NRG1: variants seen among roughly 807,000 people sequenced by gnomAD.
NRG1 encodes pro-neuregulin-1, membrane-bound isoform.
A neutral mutation model predicts 63.8 loss-of-function variants in NRG1; 18 were observed. The observed-to-expected ratio is 0.28, with a 90% confidence interval of 0.19 to 0.42. The LOEUF is 0.42. Ranked by LOEUF, NRG1 falls within the 10% of genes least tolerant of loss-of-function variation. The pLI, the probability that NRG1 is intolerant of heterozygous loss-of-function variation, is 1.00. For missense variants in NRG1, 762 were observed against 814.7 expected, an observed-to-expected ratio of 0.94 and a Z score of 0.79; for synonymous variants, 302 against 301.3, an observed-to-expected ratio of 1.00 and a Z score of -0.02.
chr8:31,663,889 A>G (rs570228332), intron 1 of NRG1, among the ~76,000 whole-genome samples: 4 of 152,186 alleles, frequency 2.6e-5, no homozygotes, highest in African/African-American at 9.6e-5. Context: ...AATGAGAGAG[A>G]AAGCAAAGAG....
At chr8:32,011,581 T>C (rs910226983) in intron 1 of NRG1, among the ~76,000 whole-genome samples, 3 of 152,110 alleles carry the variant, frequency 2.0e-5, no homozygotes, top group African/African-American at 7.2e-5. Flanking sequence ...GTCAAAAAAT[T>C]GTACCTTGCA....
intron 1 of NRG1, among the ~76,000 whole-genome samples, chr8:31,780,753 C>T (rs1467271522): frequency 6.6e-6 from 1 of 152,160 alleles, no homozygotes; most frequent in Non-Finnish European, 1.5e-5. Context: ...TGTACAGTCA[C>T]CCTATAGATA....
intron 5 of NRG1, chr8:32,647,028 G>A (rs1194514887): frequency 4.1e-6 from 4 of 984,804 alleles, no homozygotes; most frequent in Non-Finnish European, 3.6e-6. Context: ...GGACAAAGAG[G>A]AGTAGTCGGG....
chr8:32,351,901 G>A (rs1334340382), intron 1 of NRG1, among the ~76,000 whole-genome samples: 2 of 151,718 alleles, frequency 1.3e-5, no homozygotes, highest in Non-Finnish European at 2.9e-5. Flanking sequence ...GCAATACATT[G>A]ATGAAATAGA....
intron 1 of NRG1, among the ~76,000 whole-genome samples, chr8:32,324,262 A>C (rs533542954): frequency 5.3e-5 from 8 of 152,276 alleles, no homozygotes; most frequent in African/African-American, 1.7e-4. Flanking sequence ...GATGGTCCTT[A>C]TTGCAGAAAG....
intron 1 of NRG1, among the ~76,000 whole-genome samples, chr8:32,307,586 GGTTTGTGTGTGTGTGTGTGT>G (rs760178999): frequency 9.2e-6 from 1 of 108,898 alleles, no homozygotes; most frequent in Non-Finnish European, 2.1e-5. Flanking sequence ...GTCACCCAGG[GGTTTGTGTGTGTGTGTGTGT>G]GTGTGTGTGT....
At chr8:31,785,651 T>G (rs1820101311) in intron 1 of NRG1, among the ~76,000 whole-genome samples, 1 of 152,230 alleles carries the variant, frequency 6.6e-6, no homozygotes, top group Admixed American at 6.5e-5. Flanking sequence ...TTCATTTAAC[T>G]TCATTCAGAC....
chr8:32,372,384 G>A (rs142655797), intron 1 of NRG1, among the ~76,000 whole-genome samples: 17 of 151,814 alleles, frequency 1.1e-4, no homozygotes, highest in South Asian at 4.2e-4. Context: ...TCTGCCCTTC[G>A]TCTGCCTCAC....
intron 5 of NRG1, among the ~76,000 whole-genome samples, chr8:32,686,568 C>G (rs1403040428): frequency 6.6e-6 from 1 of 152,172 alleles, no homozygotes; most frequent in Non-Finnish European, 1.5e-5. Context: ...GAAATTCCCT[C>G]CTCAGATACA....
chr8:32,516,568 GTT>G (rs1829843154), intron 1 of NRG1, among the ~76,000 whole-genome samples: 1 of 152,104 alleles, frequency 6.6e-6, no homozygotes, highest in African/African-American at 2.4e-5. Flanking sequence ...AACATGGAAT[GTT>G]TTTCCATTTG....
chr8:32,676,742 C>T (rs996420963), intron 5 of NRG1, among the ~76,000 whole-genome samples: 1 of 152,106 alleles, frequency 6.6e-6, no homozygotes, highest in Non-Finnish European at 1.5e-5. Flanking sequence ...TGGGGAATGT[C>T]TAGTATTCGT....
chr8:32,491,539 T>C (rs758144872), intron 1 of NRG1, among the ~76,000 whole-genome samples: 15 of 152,198 alleles, frequency 9.9e-5, no homozygotes, highest in Non-Finnish European at 1.9e-4. Context: ...AAGCTTCATT[T>C]CCCTTCCCTT....
At chr8:32,427,959 C>T (rs1233750059) in intron 1 of NRG1, among the ~76,000 whole-genome samples, 1 of 152,218 alleles carries the variant, frequency 6.6e-6, no homozygotes, top group Non-Finnish European at 1.5e-5. Flanking sequence ...ACCCCAAAAT[C>T]TTAACAGTTT....
chr8:31,905,556 A>G (rs1832455594), intron 1 of NRG1, among the ~76,000 whole-genome samples: 1 of 152,226 alleles, frequency 6.6e-6, no homozygotes, highest in African/African-American at 2.4e-5. Flanking sequence ...ATTTTTAGAT[A>G]GATCATTCCC....
intron 1 of NRG1, among the ~76,000 whole-genome samples, chr8:32,043,143 A>C (rs1820366937): frequency 6.6e-6 from 1 of 152,106 alleles, no homozygotes; most frequent in Admixed American, 6.5e-5. Flanking sequence ...AAGACATCAT[A>C]ATGAAACTGC....
At chr8:32,575,559 C>T (rs1290159770) in intron 1 of NRG1, among the ~76,000 whole-genome samples, 2 of 151,892 alleles carry the variant, frequency 1.3e-5, no homozygotes, top group Non-Finnish European at 2.9e-5. Flanking sequence ...CTTTTTAAGA[C>T]AAGCAACATT....
intron 1 of NRG1, among the ~76,000 whole-genome samples, chr8:31,989,286 A>AAAAAAAAAAAAAAAAAAAAC (rs1563653842): frequency 7.0e-6 from 1 of 143,810 alleles, no homozygotes; most frequent in African/African-American, 2.5e-5. Flanking sequence ...ACAAAACAAA[A>AAAAAAAAAAAAAAAAAAAAC]AAAAGCCTAA....
At chr8:32,592,701 T>C (rs1259892025) in intron 1 of NRG1, among the ~76,000 whole-genome samples, 1 of 152,142 alleles carries the variant, frequency 6.6e-6, no homozygotes, top group South Asian at 2.1e-4. Flanking sequence ...AAAGTCTCCA[T>C]AGATTTATGC....
intron 1 of NRG1, among the ~76,000 whole-genome samples, chr8:31,968,672 G>A (rs896726086): frequency 6.6e-6 from 1 of 151,974 alleles, no homozygotes; most frequent in South Asian, 2.1e-4. Context: ...ATATACTATC[G>A]TAAGTGATTT....
Sources: allele counts gnomAD v4.1 joint callset (sites outside exome capture counted in the v4.1 genomes callset), GRCh38; gene constraint gnomAD v4.1.1; transcripts MANE v1.5; gene names NCBI Gene and HGNC (gene_info 2026-07-23, HGNC 2026-07-21).